The following MEGF10 variants were observed in gnomAD, a reference collection of about 807,000 sequenced individuals.
MEGF10 encodes multiple epidermal growth factor-like domains protein 10.
Under a neutral mutation model 147.5 loss-of-function variants are expected in MEGF10, and 86 were observed. The ratio of observed to expected loss-of-function variants is 0.58; its 90% CI spans 0.49 to 0.70. The LOEUF is 0.70. Ranked by LOEUF, MEGF10 falls within the 30% of genes least tolerant of loss-of-function variation. The probability of loss-of-function intolerance (pLI) is 0.00; values close to 1 mark genes in which losing one functional copy is unlikely to be tolerated. For missense variants in MEGF10, 1,329 were observed against 1,487.3 expected, an observed-to-expected ratio of 0.89 and a Z score of 1.75; for synonymous variants, 478 against 525.5, an observed-to-expected ratio of 0.91 and a Z score of 1.24.
At chr5:127,452,178 G>A (rs1265328147) in intron 22 of MEGF10, among the ~76,000 whole-genome samples, 5 of 152,242 alleles carry the variant, frequency 3.3e-5, no homozygotes, top group Non-Finnish European at 5.9e-5. Flanking sequence ...GAATCTGGCA[G>A]GGGTGTCTGG....
At chr5:127,362,622 C>T (rs529921527) in intron 4 of MEGF10, among the ~76,000 whole-genome samples, 1 of 152,204 alleles carries the variant, frequency 6.6e-6, no homozygotes, top group East Asian at 1.9e-4. Flanking sequence ...CCTCAGCCTC[C>T]CAAAGTGCTG....
In MEGF10 at chr5:127,449,085, T is replaced by A. The variant is rs751955381; in HGVS notation, c.2857-14T>A. The A allele has an allele frequency of 7.4e-6, 12 of 1,613,782 alleles. No individual in the cohort carries two copies. The African/African-American group carries it at 1.1e-4, about 14-fold the overall frequency. ...ATTTTGTTTTTAATCTTTCGTTGTT[T>A]ATATTTTTAACAGTCAAAAAACAAT... On this transcript the variant is annotated splice_polypyrimidine_tract_variant and intron_variant, in intron 21 of 24. Transcript: ENST00000503335.
chr5:127,306,314 CA>C (rs1283159008), intron 1 of MEGF10, among the ~76,000 whole-genome samples: 2 of 152,076 alleles, frequency 1.3e-5, no homozygotes, highest in African/African-American at 4.8e-5. Flanking sequence ...GGATGGCAAC[CA>C]AGTCCTGACA....
At chr5:127,383,283 T>C (rs1763320610) in intron 5 of MEGF10, among the ~76,000 whole-genome samples, 1 of 152,134 alleles carries the variant, frequency 6.6e-6, no homozygotes, top group African/African-American at 2.4e-5. Context: ...ATGAACTCCG[T>C]TACTATAAAC....
chr5:127,232,596 G>A, the MEGF10 span, among the ~76,000 whole-genome samples: 4 of 152,112 alleles, frequency 2.6e-5, no homozygotes, highest in African/African-American at 9.7e-5. Flanking sequence ...ATGTTGGGAG[G>A]AGCAGATGTG....
chr5:127,245,733 A>G, the MEGF10 span, among the ~76,000 whole-genome samples: 2 of 152,222 alleles, frequency 1.3e-5, no homozygotes, highest in African/African-American at 4.8e-5. Context: ...AATATCCAGA[A>G]TCTATAGGGA....
chr5:127,247,372 A>G, the MEGF10 span, among the ~76,000 whole-genome samples: 4,491 of 15,510 alleles, frequency 0.29, 535 homozygotes, highest in Middle Eastern at 0.34. Context: ...GAAGAAGAAG[A>G]AGAAGAAGAA....
In MEGF10 at chr5:127,348,969, G is replaced by A. The variant is rs138005503; in HGVS notation, c.319+8339G>A. On this transcript the variant is annotated intron_variant, in intron 4 of 24. Coordinates refer to ENST00000503335, the MANE Select transcript of MEGF10 (RefSeq NM_001256545.2). ...ATATAGGCTGGATGCGGTGGCTCACGCCTGTAATTCCAGCGCTTTGAAAGG... is the reference window on the plus strand; with the variant it reads ...ATATAGGCTGGATGCGGTGGCTCACACCTGTAATTCCAGCGCTTTGAAAGG... 3.2e-3 allele frequency among the ~76,000 whole-genome samples: 483 copies of A among 152,090 alleles called. 3 individuals carry two copies. Among genetic ancestry groups the A allele is most frequent in the African/African-American group, 0.011 (466 of 41,494 alleles).
chr5:127,365,241 T>C (rs912795100), intron 4 of MEGF10, among the ~76,000 whole-genome samples: 1 of 152,246 alleles, frequency 6.6e-6, no homozygotes, highest in Non-Finnish European at 1.5e-5. Flanking sequence ...AATAAATATA[T>C]TCTTTAAGAC....
Position 127,449,189 on chromosome 5 carries a change from G to A in MEGF10, c.2947G>A (p.Asp983Asn), listed in dbSNP as rs1766062108. Reference sequence around the variant, plus strand: ...GGACTGCACTGGGACATTGCCGGCTGACTGGAAACATGGCGGCTACCTCAA... The same window carrying A: ...GGACTGCACTGGGACATTGCCGGCTAACTGGAAACATGGCGGCTACCTCAA... ...VGDCTGTLPADWKHGGYLNEL... is the reference protein window; with the variant it reads ...VGDCTGTLPANWKHGGYLNEL... The change falls in exon 22 of 25, where the codon GAC (aspartate) becomes AAC (asparagine). Residue 983 changes from aspartate (D) to asparagine (N), a missense_variant. Physicochemically the swap from Asp to Asn is conservative, Grantham distance 23. Coordinates refer to ENST00000503335, the MANE Select transcript of MEGF10 (RefSeq NM_001256545.2). 6.2e-7 allele frequency: 1 copy of A among 1,613,632 alleles called. No individual in the cohort carries two copies. The highest frequency in any genetic ancestry group is 1.7e-5 in the Admixed American group (1 of 59,968).
At chr5:127,247,717 T>C in the MEGF10 span, among the ~76,000 whole-genome samples, 7 of 152,016 alleles carry the variant, frequency 4.6e-5, no homozygotes, top group African/African-American at 1.4e-4. Flanking sequence ...CCACATTTTA[T>C]ATCTGGGAGC....
At chr5:127,361,295 GT>G (rs1762462790) in intron 4 of MEGF10, among the ~76,000 whole-genome samples, 1 of 151,538 alleles carries the variant, frequency 6.6e-6, no homozygotes, top group African/African-American at 2.4e-5. Flanking sequence ...TTTCATCTAG[GT>G]TATCAAATTT....
intron 5 of MEGF10, among the ~76,000 whole-genome samples, chr5:127,387,684 T>G (rs1763484791): frequency 6.6e-6 from 1 of 152,236 alleles, no homozygotes; most frequent in South Asian, 2.1e-4. Flanking sequence ...GCCAAGTGGC[T>G]TTGAGCAAAT....
At chr5:127,238,851 A>C in the MEGF10 span, among the ~76,000 whole-genome samples, 7 of 149,450 alleles carry the variant, frequency 4.7e-5, no homozygotes, top group African/African-American at 1.8e-4. Context: ...TAGAAATTAT[A>C]TTTTGCAGTC....
the MEGF10 span, among the ~76,000 whole-genome samples, chr5:127,252,599 G>A: frequency 6.6e-6 from 1 of 151,840 alleles, no homozygotes; most frequent in South Asian, 2.1e-4. Flanking sequence ...ATAAATATGT[G>A]AGGGTGTAGG....
chr5:127,454,802 G>T (rs932747543), intron 23 of MEGF10, among the ~76,000 whole-genome samples, 192 bp downstream of exon 23: 5 of 152,184 alleles, frequency 3.3e-5, no homozygotes, highest in African/African-American at 1.2e-4. Flanking sequence ...GTCCTTGGTA[G>T]AGCTTAAGTC....
At chr5:127,255,498 C>A in the MEGF10 span, among the ~76,000 whole-genome samples, 15 of 152,116 alleles carry the variant, frequency 9.9e-5, no homozygotes, top group African/African-American at 3.6e-4. Flanking sequence ...CTATTATCAT[C>A]CTTGCTTGGC....
At chr5:127,272,712 T>C in the MEGF10 span, among the ~76,000 whole-genome samples, 1 of 152,236 alleles carries the variant, frequency 6.6e-6, no homozygotes, top group African/African-American at 2.4e-5. Flanking sequence ...AGTTCATTCA[T>C]GATTTGGCTC....
intron 16 of MEGF10, among the ~76,000 whole-genome samples, chr5:127,436,874 G>C (rs953325656): frequency 6.6e-5 from 10 of 152,178 alleles, no homozygotes; most frequent in Admixed American, 5.9e-4. Context: ...TGTCTAAAGA[G>C]AGCAAAGTCC....
Sources: gnomAD v4.1 joint callset for allele counts (sites outside exome capture counted in the v4.1 genomes callset) on GRCh38, gnomAD v4.1.1 for gene constraint, MANE v1.5 for transcripts, NCBI Gene and HGNC (gene_info 2026-07-23, HGNC 2026-07-21) for gene names.